ANKHD1: variants seen among roughly 807,000 people sequenced by gnomAD.
ANKHD1 encodes ankyrin repeat and KH domain-containing protein 1.
Under a neutral mutation model 230.5 loss-of-function variants are expected in ANKHD1, and 31 were observed. The observed-to-expected ratio is 0.13, with a 90% CI of 0.10 to 0.18. ANKHD1 has a LOEUF of 0.18. ANKHD1 is among the 10% of genes least tolerant of loss of function. ANKHD1 has a pLI of 1.00. For missense variants in ANKHD1, 2,256 were observed against 3,071.3 expected (o/e 0.73, Z 6.27); for synonymous variants, 1,074 against 1,117.6 (o/e 0.96, Z 0.78).
Position 140,529,143 on chromosome 5 carries a change from C to T in ANKHD1, c.6197C>T (p.Pro2066Leu), listed in dbSNP as rs1753714986. The T allele has an allele frequency of 6.2e-7, 1 of 1,614,060 alleles. No homozygotes were observed. The highest frequency in any genetic ancestry group is 8.5e-7 in the Non-Finnish European group (1 of 1,180,048). ...SNTPGAPETH[P>L]SSSPTPTSSN... Reference sequence around the variant, plus strand: ...ACCCCGGGAGCTCCAGAAACTCACCCATCCAGTAGTCCCACTCCTACTTCC... The same window carrying T: ...ACCCCGGGAGCTCCAGAAACTCACCTATCCAGTAGTCCCACTCCTACTTCC... Residue 2066 changes from proline (P) to leucine (L), a missense_variant, in exon 29 of 34, where the codon CCA becomes CTA. Physicochemically the swap from Pro to Leu is moderately conservative, Grantham distance 98. This residue lies in a region of ANKHD1 where 778 missense variants were observed against 966.5 expected (regional missense o/e 0.80). Transcript: ENST00000360839.
At position 140,449,821 on chromosome 5, in the gene ANKHD1, T is replaced by C. The variant is rs148623253; in HGVS notation, c.1242+516T>C. Among the ~76,000 whole-genome samples the C allele has an allele frequency of 1.3e-4, 20 of 152,302 alleles. No homozygotes were observed. In the East Asian group the frequency reaches 3.7e-3, roughly 28 times the overall value. On this transcript the variant is annotated intron_variant, in intron 7 of 33. Coordinates refer to ENST00000360839, the MANE Select transcript of ANKHD1 (RefSeq NM_017747.3). ...ATTGATAAAACTCTAATTCTGGAGA[T>C]AGTAGACATAGTTCTAGTGTTTTTA... is the stretch of plus-strand genomic sequence containing the variant.
chr5:140,478,191 G>T (rs1191732562), intron 10 of ANKHD1, among the ~76,000 whole-genome samples: 1 of 152,036 alleles, frequency 6.6e-6, no homozygotes, highest in East Asian at 1.9e-4. Flanking sequence ...TATAGAATGA[G>T]ATGTTGCCCA....
At chr5:140,414,484 A>T (rs1771192378) in intron 1 of ANKHD1, among the ~76,000 whole-genome samples, 1 of 152,064 alleles carries the variant, frequency 6.6e-6, no homozygotes, top group African/African-American at 2.4e-5. Flanking sequence ...CTTATTGGCC[A>T]TTTCTGTATC....
intron 10 of ANKHD1, among the ~76,000 whole-genome samples, chr5:140,479,910 C>CTA (rs1474851839): frequency 3.4e-5 from 5 of 145,608 alleles, no homozygotes; most frequent in East Asian, 2.0e-4. Flanking sequence ...CAATGTACTC[C>CTA]TATATATATA....
intron 29 of ANKHD1, among the ~76,000 whole-genome samples, chr5:140,534,193 C>T (rs1383969571): frequency 6.6e-6 from 1 of 152,084 alleles, no homozygotes; most frequent in East Asian, 1.9e-4. Flanking sequence ...GAGATCGAGA[C>T]CATCCTGGCC....
At chr5:140,472,260 A>G in intron 10 of ANKHD1, 1 of 1,613,138 alleles carries the variant, frequency 6.2e-7, no homozygotes, top group Non-Finnish European at 8.5e-7. Flanking sequence ...GGACATGAAG[A>G]CTATTTTGGA....
At chr5:140,459,764 T>G (rs994610262) in intron 9 of ANKHD1, among the ~76,000 whole-genome samples, 13 of 152,084 alleles carry the variant, frequency 8.5e-5, no homozygotes, top group Non-Finnish European at 1.6e-4. Flanking sequence ...TATTTGTCAA[T>G]TAAAAATAAA....
In ANKHD1 at chr5:140,485,976, T is replaced by G. The variant is rs756358632; in HGVS notation, c.2142+244T>G. On this transcript the variant is annotated intron_variant, in intron 13 of 33. Transcript: ENST00000360839. The surrounding 1 kb of genome is among the most constrained non-coding windows in gnomAD (Gnocchi z 4.8). ...TTAATATCAAATATAAACGTAAGTA[T>G]TCTAAGTTGTTATCTTATTACAACT... The G allele has an allele frequency of 3.6e-5, 17 of 469,760 alleles. No individual in the cohort carries two copies. Among genetic ancestry groups the G allele is most frequent in the Non-Finnish European group, 5.4e-5 (15 of 278,682 alleles). The allele number at this position is 469,760 out of a possible 1,614,324, so 29.1% of individuals were successfully genotyped here. A position where few individuals can be genotyped will look rare whatever the true frequency, so the allele number is the denominator to read the frequency against.
At chr5:140,491,092 G>A (rs529674180) in intron 14 of ANKHD1, among the ~76,000 whole-genome samples, 2,885 of 102,392 alleles carry the variant, frequency 0.028, 48 homozygotes, top group Middle Eastern at 0.034. Flanking sequence ...GTGTGTGTGT[G>A]TATATATATA....
intron 1 of ANKHD1, among the ~76,000 whole-genome samples, chr5:140,431,316 A>C (rs1173737768): frequency 6.6e-6 from 1 of 152,194 alleles, no homozygotes; most frequent in African/African-American, 2.4e-5. Context: ...GTCAGATATT[A>C]GATGTAAAAT....
At chr5:140,449,356 T>C (rs1774524731) in intron 7 of ANKHD1, 51 bp downstream of exon 7, 1 of 1,583,414 alleles carries the variant, frequency 6.3e-7, no homozygotes. Flanking sequence ...AAAGGTCGTA[T>C]GTGTTTAAGC....
At chr5:140,520,589 C>T (rs1047095634) in intron 24 of ANKHD1, among the ~76,000 whole-genome samples, 1 of 151,796 alleles carries the variant, frequency 6.6e-6, no homozygotes, top group Non-Finnish European at 1.5e-5. Context: ...CCATGGAATA[C>T]TATGCAGCCA....
Position 140,526,240 on chromosome 5 carries a change from T to C in ANKHD1, c.4737T>C (p.Asn1579=). The part of the protein sequence containing the change: ...AQQKADKNKI[N]GEPRGGGAGG... ...AAAAGGCAGATAAAAATAAAATAAATGGAGAACCTAGAGGTGGTGGTGCAG... is the reference window on the plus strand; with the variant it reads ...AAAAGGCAGATAAAAATAAAATAAACGGAGAACCTAGAGGTGGTGGTGCAG... The change falls in exon 26 of 34, where the codon AAT becomes AAC. Residue 1579 remains asparagine, a synonymous_variant. Coordinates refer to ENST00000360839, the MANE Select transcript of ANKHD1 (RefSeq NM_017747.3). 1 of 1,614,112 alleles carries C rather than the reference T, an allele frequency of 6.2e-7. No homozygotes were observed. The highest frequency in any genetic ancestry group is 8.5e-7 in the Non-Finnish European group (1 of 1,180,016).
At chr5:140,453,573 A>G (rs1774920556) in intron 7 of ANKHD1, among the ~76,000 whole-genome samples, 1 of 152,230 alleles carries the variant, frequency 6.6e-6, no homozygotes, top group African/African-American at 2.4e-5. Flanking sequence ...ATTCTTAAAG[A>G]AAAGAATTTT....
chr5:140,496,828 C>G lies in ANKHD1; in HGVS notation c.2554C>G (p.Gln852Glu). The G allele has an allele frequency of 6.2e-7, 1 of 1,614,044 alleles. No individual in the cohort carries two copies. The highest frequency in any genetic ancestry group is 1.1e-5 in the South Asian group (1 of 91,076). ...GCAGTTGCAGATGAAAACACAGCAG[C>G]AATTTACCAAAGAATACTTGGAAAC... The part of the protein sequence containing the change: ...ERQLQMKTQQ[Q>E]FTKEYLETKG... The change falls in exon 15 of 34, where the codon CAA becomes GAA. Residue 852 changes from glutamine to glutamate, a missense_variant. Gln to Glu is a conservative substitution (Grantham distance 29, BLOSUM62 2). Transcript: ENST00000360839.
chr5:140,438,246 G>A (rs941856478), intron 2 of ANKHD1, among the ~76,000 whole-genome samples: 1 of 152,166 alleles, frequency 6.6e-6, no homozygotes, highest in African/African-American at 2.4e-5. Flanking sequence ...CATTGTAAAG[G>A]TAGAAAGACT....
intron 22 of ANKHD1, among the ~76,000 whole-genome samples, 194 bp downstream of exon 22, chr5:140,510,375 T>C (rs908799437): frequency 7.1e-6 from 1 of 141,390 alleles, no homozygotes; most frequent in Non-Finnish European, 1.5e-5. Context: ...TGCAGTGGCA[T>C]GATCGCGGCT....
chr5:140,484,560 G>C (rs1436517805), intron 11 of ANKHD1, among the ~76,000 whole-genome samples: 1 of 152,036 alleles, frequency 6.6e-6, no homozygotes, highest in Non-Finnish European at 1.5e-5. Flanking sequence ...TTTACTTTGA[G>C]ACCTGGCTAT....
intron 10 of ANKHD1, among the ~76,000 whole-genome samples, chr5:140,467,927 T>C (rs1776208430): frequency 1.3e-5 from 2 of 152,078 alleles, no homozygotes; most frequent in South Asian, 4.1e-4. Flanking sequence ...TTTTGGGCTA[T>C]AATAATTTCC....
Sources: gnomAD v4.1 joint callset for allele counts (sites outside exome capture counted in the v4.1 genomes callset) on GRCh38, gnomAD v4.1.1 for gene constraint, gnomAD v4.1.1 regional missense constraint, Gnocchi (gnomAD v3.1) non-coding constraint, MANE v1.5 for transcripts, NCBI Gene and HGNC (gene_info 2026-07-23, HGNC 2026-07-21) for gene names.